GAB2: variants seen among roughly 807,000 people sequenced by gnomAD.
GAB2 encodes the protein GRB2 associated binding protein 2, also known as GRB2-associated-binding protein 2.
Under a neutral mutation model 65.5 loss-of-function variants are expected in GAB2, and 26 were observed. That is an observed-to-expected ratio of 0.40 (90% CI 0.29 to 0.55). GAB2 has a LOEUF of 0.55. Ranked by LOEUF, GAB2 falls within the 20% of genes least tolerant of loss-of-function variation. The pLI is 0.53. For synonymous variants in GAB2, 321 were observed against 329.6 expected (o/e 0.97, Z 0.28); for missense variants, 884 against 875.8 (o/e 1.01, Z -0.12).
chr11:78,349,977 T>C (rs1036183911), intron 1 of GAB2, among the ~76,000 whole-genome samples: 5 of 152,080 alleles, frequency 3.3e-5, no homozygotes, highest in Admixed American at 1.3e-4. Context: ...TTCTGTAATA[T>C]GCTTCTTTTT....
chr11:78,365,872 T>A (rs984570105), intron 1 of GAB2, among the ~76,000 whole-genome samples: 8 of 152,328 alleles, frequency 5.3e-5, no homozygotes, highest in African/African-American at 1.9e-4. Context: ...TCCTCCATAA[T>A]TCTATCCCGC....
intron 1 of GAB2, among the ~76,000 whole-genome samples, chr11:78,321,456 A>G (rs544605203): frequency 2.0e-5 from 3 of 152,332 alleles, no homozygotes; most frequent in Non-Finnish European, 4.4e-5. Flanking sequence ...GCAAGCAGGA[A>G]AAATTGCTCA....
At chr11:78,358,035 G>A (rs1856382508) in intron 1 of GAB2, among the ~76,000 whole-genome samples, 2 of 151,994 alleles carry the variant, frequency 1.3e-5, no homozygotes, top group Admixed American at 6.6e-5. Flanking sequence ...GCAAAGACTT[G>A]GAACCAACCC....
intron 1 of GAB2, among the ~76,000 whole-genome samples, chr11:78,308,893 G>A (rs570330665): frequency 6.6e-6 from 1 of 152,096 alleles, no homozygotes; most frequent in African/African-American, 2.4e-5. Flanking sequence ...TATAATTTTT[G>A]TGTGTGTATT....
intron 2 of GAB2, among the ~76,000 whole-genome samples, chr11:78,258,130 G>T (rs1208823182): frequency 7.2e-5 from 11 of 152,210 alleles, no homozygotes; most frequent in Admixed American, 7.2e-4. Context: ...GGTTGGATTA[G>T]ATCGGGGGTA....
At chr11:78,280,563 C>T in intron 2 of GAB2, 38 bp downstream of exon 2, 7 of 1,542,724 alleles carry the variant, frequency 4.5e-6, no homozygotes, top group Non-Finnish European at 6.2e-6. Context: ...GGCCTCACCT[C>T]AACCCCCTAT....
At chr11:78,363,632 T>G (rs2134719780) in intron 1 of GAB2, among the ~76,000 whole-genome samples, 1 of 151,592 alleles carries the variant, frequency 6.6e-6, no homozygotes, top group Non-Finnish European at 1.5e-5. Flanking sequence ...TTGCCAAGGC[T>G]GAAGTGCAGT....
At chr11:78,403,763 G>A (rs1591091223) in intron 1 of GAB2, among the ~76,000 whole-genome samples, 1 of 152,268 alleles carries the variant, frequency 6.6e-6, no homozygotes, top group Non-Finnish European at 1.5e-5. Flanking sequence ...TAAAAGCTTT[G>A]ACACAGCAAA....
chr11:78,357,291 G>A (rs145779261), intron 1 of GAB2, among the ~76,000 whole-genome samples: 65 of 152,250 alleles, frequency 4.3e-4, no homozygotes, highest in African/African-American at 1.4e-3. Flanking sequence ...TGTTTCAAGT[G>A]TGGGCAATAC....
chr11:78,244,272 G>A (rs919986349), intron 3 of GAB2, among the ~76,000 whole-genome samples: 1 of 151,950 alleles, frequency 6.6e-6, no homozygotes. Context: ...CATGACTGTG[G>A]TTCCAGCTGC....
In GAB2 at chr11:78,261,344, C is replaced by T. The variant is rs116879006; in HGVS notation, c.377-10944G>A. ...CCAGAACAAGGCGATCTTCAATAAA[C>T]ACACTAGAGCAGCAAGTTCTGTTGG... On this transcript the variant is annotated intron_variant, in intron 2 of 9. Transcript: ENST00000361507. Among the ~76,000 whole-genome samples, 1,082 of 152,260 alleles carry T rather than the reference C, an allele frequency of 7.1e-3. 11 individuals are homozygous for T. Among genetic ancestry groups the T allele is most frequent in the Middle Eastern group, 0.017 (5 of 294 alleles).
At chr11:78,263,774 C>T (rs61571302) in intron 2 of GAB2, among the ~76,000 whole-genome samples, 2,492 of 152,050 alleles carry the variant, frequency 0.016, 70 homozygotes, top group African/African-American at 0.056. Context: ...AAATAACCCA[C>T]GGGATCATTT....
At chr11:78,323,790 C>CTTTTTTTTTTTTTTTTTTTTT (rs749282969) in intron 1 of GAB2, among the ~76,000 whole-genome samples, 1 of 77,264 alleles carries the variant, frequency 1.3e-5, no homozygotes, top group African/African-American at 5.0e-5. Context: ...CTGAATCTTT[C>CTTTTTTTTTTTTTTTTTTTTT]TTTTTTTTTT....
At chr11:78,292,370 T>C (rs1866706332) in intron 1 of GAB2, among the ~76,000 whole-genome samples, 2 of 152,220 alleles carry the variant, frequency 1.3e-5, no homozygotes, top group Non-Finnish European at 2.9e-5. Flanking sequence ...GAAAAGATGA[T>C]TTGAGACCTT....
chr11:78,273,975 A>G (rs1866091423), intron 2 of GAB2, among the ~76,000 whole-genome samples: 1 of 151,556 alleles, frequency 6.6e-6, no homozygotes, highest in African/African-American at 2.4e-5. Context: ...CTCCTCAGTC[A>G]TGTGGAACTG....
At chr11:78,278,418 T>C (rs1200851188) in intron 2 of GAB2, among the ~76,000 whole-genome samples, 2 of 151,916 alleles carry the variant, frequency 1.3e-5, no homozygotes, top group Non-Finnish European at 2.9e-5. Flanking sequence ...GGTCTCCCTC[T>C]GTCACCCAGG....
intron 1 of GAB2, among the ~76,000 whole-genome samples, chr11:78,395,492 C>A (rs903115736): frequency 6.6e-6 from 1 of 152,212 alleles, no homozygotes; most frequent in East Asian, 1.9e-4. Context: ...CACTTCATAT[C>A]CCAATAGCCA....
chr11:78,360,614 T>G (rs1856421783), intron 1 of GAB2, among the ~76,000 whole-genome samples: 1 of 151,918 alleles, frequency 6.6e-6, no homozygotes, highest in Non-Finnish European at 1.5e-5. Context: ...TCACAGCACT[T>G]TGGGAGGCTG....
At chr11:78,299,636 C>G (rs1866937083) in intron 1 of GAB2, among the ~76,000 whole-genome samples, 1 of 152,228 alleles carries the variant, frequency 6.6e-6, no homozygotes. Context: ...CTTCTCTTCC[C>G]TGGTCACAGT....
Sources: allele counts gnomAD v4.1 joint callset (sites outside exome capture counted in the v4.1 genomes callset), GRCh38; gene constraint gnomAD v4.1.1; transcripts MANE v1.5; gene names NCBI Gene and HGNC (gene_info 2026-07-23, HGNC 2026-07-21).